The following PCDHGA11 variants were observed in gnomAD, a reference collection of about 807,000 sequenced individuals.
PCDHGA11 encodes the protein protocadherin gamma-A11.
A neutral mutation model predicts 60.4 loss-of-function variants in PCDHGA11; 39 were observed. The ratio of observed to expected loss-of-function variants is 0.65; its 90% CI spans 0.50 to 0.84. The LOEUF (loss-of-function observed/expected upper bound fraction) is 0.84, where lower values mean the gene tolerates loss of function less well. Ranked by LOEUF, PCDHGA11 falls within the 40% of genes least tolerant of loss-of-function variation. PCDHGA11 has a pLI of 0.00. For synonymous variants in PCDHGA11, 533 were observed against 510.3 expected (o/e 1.04, Z -0.60); for missense variants, 1,165 against 1,197.7 (o/e 0.97, Z 0.40).
intron 1 of PCDHGA11, among the ~76,000 whole-genome samples, chr5:141,483,207 A>C (rs1225621725): frequency 6.6e-6 from 1 of 152,224 alleles, no homozygotes; most frequent in African/African-American, 2.4e-5. Flanking sequence ...TATTCCATAT[A>C]GATGACAGTC....
chr5:141,421,379 AGGACCTGGGGCT>A lies in PCDHGA11; in HGVS notation c.156_167del (p.Asp52_Leu55del). On this transcript the variant is annotated inframe_deletion, in exon 1 of 4. Coordinates refer to ENST00000398587, the MANE Select transcript of PCDHGA11 (RefSeq NM_018914.3). ...GGCTCCTTCGTGGGCAATATCTCCA[AGGACCTGGGGCT>A]GGAGCCCCGGGAGCTGGCGAAGCGC... 1 of 1,614,054 alleles carries A rather than the reference AGGACCTGGGGCT, an allele frequency of 6.2e-7. No individual in the cohort carries two copies. The highest frequency in any genetic ancestry group is 1.1e-5 in the South Asian group (1 of 91,088).
At position 141,486,209 on chromosome 5, in the gene PCDHGA11, A is replaced by G. The variant is rs749965379; in HGVS notation, c.2434-8598A>G. 1.2e-6 allele frequency: 2 copies of G among 1,614,080 alleles called. No homozygotes were observed. The highest frequency in any genetic ancestry group is 1.7e-6 in the Non-Finnish European group (2 of 1,179,988). ...AGTGGATCTGCTGGACGTAAATGAC[A>G]ATGCCCCTTACATCACAGTGACCTC... On this transcript the variant is annotated intron_variant, in intron 1 of 3. Transcript: ENST00000398587. The surrounding 1 kb of genome is among the most constrained non-coding windows in gnomAD (Gnocchi z 5.0).
At position 141,422,319 on chromosome 5, in the gene PCDHGA11, TAC is replaced by T; in HGVS notation, c.1094_1095del (p.Thr365SerfsTer24). On this transcript the variant is annotated frameshift_variant, in exon 1 of 4. Coordinates refer to ENST00000398587, the MANE Select transcript of PCDHGA11 (RefSeq NM_018914.3). LOFTEE classifies it high-confidence loss of function. ...NSILENSPPG[T>X]VIALLNVQDQ... is the part of the protein sequence containing the mutation. ...CAATTCTGGAAAACTCTCCTCCAGG[TAC>T]AGTGATTGCTCTTCTAAATGTGCAA... 1 of 1,548,220 alleles carries T rather than the reference TAC, an allele frequency of 6.5e-7. No homozygotes were observed. Among genetic ancestry groups the T allele is most frequent in the Admixed American group, 2.1e-5 (1 of 47,224 alleles).
chr5:141,445,048 A>G (rs1364884310), intron 1 of PCDHGA11, among the ~76,000 whole-genome samples: 4 of 152,234 alleles, frequency 2.6e-5, no homozygotes, highest in Non-Finnish European at 5.9e-5. Flanking sequence ...TTTTCAGTGT[A>G]GAGAGGTCAT....
At chr5:141,482,530 CAAA>C (rs3074545) in intron 1 of PCDHGA11, among the ~76,000 whole-genome samples, 29 of 76,552 alleles carry the variant, frequency 3.8e-4, no homozygotes, top group African/African-American at 9.1e-4. Context: ...GACAGACATG[CAAA>C]AAAAAAAAAA....
At chr5:141,507,896 G>A (rs1457319438) in intron 3 of PCDHGA11, among the ~76,000 whole-genome samples, 1 of 152,210 alleles carries the variant, frequency 6.6e-6, no homozygotes, top group African/African-American at 2.4e-5. Flanking sequence ...GGTTCCTGAA[G>A]TCCAGCCCAG....
Position 141,486,278 on chromosome 5 carries a change from G to C in PCDHGA11, c.2434-8529G>C, listed in dbSNP as rs774763063. On this transcript the variant is annotated intron_variant, in intron 1 of 3. Coordinates refer to ENST00000398587, the MANE Select transcript of PCDHGA11 (RefSeq NM_018914.3). The surrounding 1 kb of genome is among the most constrained non-coding windows in gnomAD (Gnocchi z 5.0). ...CGAGAGTGCAGAACCTGGCACTGTG[G>C]TGGCACTTATCAGTGTGCAGGATCC... is the stretch of plus-strand genomic sequence containing the variant. 4 of 1,613,970 alleles carry C rather than the reference G, an allele frequency of 2.5e-6. No individual in the cohort carries two copies. In the South Asian group the frequency reaches 4.4e-5, roughly 18 times the overall value.
chr5:141,459,315 T>A (rs2154566534), intron 1 of PCDHGA11, among the ~76,000 whole-genome samples: 1 of 152,362 alleles, frequency 6.6e-6, no homozygotes, highest in Non-Finnish European at 1.5e-5. Flanking sequence ...CTATTTTGTA[T>A]CCATCTTCTT....
Position 141,421,418 on chromosome 5 carries a change from G to C in PCDHGA11, c.191G>C (p.Gly64Ala). 6.2e-7 allele frequency: 1 copy of C among 1,614,086 alleles called. No individual in the cohort carries two copies. The highest frequency in any genetic ancestry group is 1.7e-4 in the Middle Eastern group (1 of 6,060). Residue 64 changes from glycine (G) to alanine (A), a missense_variant, in exon 1 of 4, where the codon GGA (glycine) becomes GCA (alanine). Coordinates refer to ENST00000398587, the MANE Select transcript of PCDHGA11 (RefSeq NM_018914.3). ...GLEPRELAKR[G>A]VRIVSRGKTQ... is the part of the protein sequence containing the mutation. Reference sequence around the variant, plus strand: ...GAGCCCCGGGAGCTGGCGAAGCGCGGAGTCCGCATCGTCTCCAGAGGGAAG... The same window carrying C: ...GAGCCCCGGGAGCTGGCGAAGCGCGCAGTCCGCATCGTCTCCAGAGGGAAG...
chr5:141,431,438 C>A lies in PCDHGA11; in HGVS notation c.2433+7778C>A, dbSNP rs773812765. 6.2e-7 allele frequency: 1 copy of A among 1,613,612 alleles called. No homozygotes were observed. The highest frequency in any genetic ancestry group is 1.7e-5 in the Admixed American group (1 of 60,004). ...CGACCCGGTGCGCACAGGCACCGCG[C>A]GCATCCGCGTGATGGTTCTGGATGC... On this transcript the variant is annotated intron_variant, in intron 1 of 3. Coordinates refer to ENST00000398587, the MANE Select transcript of PCDHGA11 (RefSeq NM_018914.3). This position sits in a 1 kb window ranked among gnomAD's most constrained non-coding sequence, Gnocchi z 4.8.
intron 1 of PCDHGA11, among the ~76,000 whole-genome samples, chr5:141,443,466 A>G (rs1402303157): frequency 6.6e-6 from 1 of 152,184 alleles, no homozygotes; most frequent in East Asian, 1.9e-4. Flanking sequence ...AGTCTGGGTG[A>G]CAGAATTAGA....
intron 2 of PCDHGA11, among the ~76,000 whole-genome samples, chr5:141,496,856 G>A (rs1324235700): frequency 6.7e-6 from 1 of 150,206 alleles, no homozygotes; most frequent in African/African-American, 2.5e-5. Context: ...CAGACCAGCA[G>A]AGGAGACTGA....
At chr5:141,441,886 A>C (rs2098281968) in intron 1 of PCDHGA11, 1 of 345,040 alleles carries the variant, frequency 2.9e-6, no homozygotes, top group Non-Finnish European at 5.6e-6. Flanking sequence ...CCTGGTCACC[A>C]AGGTGGTGGC....
At chr5:141,475,840 A>T in intron 1 of PCDHGA11, 1 of 434,888 alleles carries the variant, frequency 2.3e-6, no homozygotes, top group Non-Finnish European at 4.1e-6. Flanking sequence ...TGTCCTGCTC[A>T]GAGAGCCCGG....
At chr5:141,450,919 G>A (rs1489017891) in intron 1 of PCDHGA11, among the ~76,000 whole-genome samples, 2 of 151,024 alleles carry the variant, frequency 1.3e-5, no homozygotes, top group African/African-American at 4.9e-5. Context: ...CTGCCTCCCA[G>A]ATTCAAGCAA....
At position 141,512,523 on chromosome 5, in the gene PCDHGA11, T is replaced by A. The variant is rs1222752176; in HGVS notation, c.*1350T>A. 6.5e-6 allele frequency: 1 copy of A among 152,848 alleles called. No homozygotes were observed. The highest frequency in any genetic ancestry group is 1.5e-5 in the Non-Finnish European group (1 of 68,240). 9.5% of individuals were successfully genotyped at this position (152,848 alleles called of 1,614,324 possible). A position where few individuals can be genotyped will look rare whatever the true frequency, so the allele number is the denominator to read the frequency against. The stretch of plus-strand genomic sequence containing the variant: ...AGTGCGCCCCCTAGTGGCCATAGCC[T>A]GGTTAAAGTTCCCCAGTGCCTCCTT... On this transcript the variant is annotated 3_prime_UTR_variant, in exon 4 of 4. Transcript: ENST00000398587.
At chr5:141,478,133 G>T (rs769287158) in intron 1 of PCDHGA11, 1 of 1,614,060 alleles carries the variant, frequency 6.2e-7, no homozygotes, top group Non-Finnish European at 8.5e-7. Flanking sequence ...CTCTCCTGAA[G>T]CCCGAGCCGA....
chr5:141,490,380 T>A lies in PCDHGA11; in HGVS notation c.2434-4427T>A. On this transcript the variant is annotated intron_variant, in intron 1 of 3. Coordinates refer to ENST00000398587, the MANE Select transcript of PCDHGA11 (RefSeq NM_018914.3). The surrounding 1 kb of genome is among the most constrained non-coding windows in gnomAD (Gnocchi z 5.4). ...TTAATGTGCGAGACCGGGACTCAGG[T>A]AGAAATGGTGAAGTGAGCCTTGATA... 6.2e-7 allele frequency: 1 copy of A among 1,614,204 alleles called. No homozygotes were observed. The highest frequency in any genetic ancestry group is 1.7e-5 in the Admixed American group (1 of 60,026).
At chr5:141,497,203 G>A (rs750138875) in intron 2 of PCDHGA11, among the ~76,000 whole-genome samples, 25 of 91,718 alleles carry the variant, frequency 2.7e-4, no homozygotes, top group Non-Finnish European at 4.9e-4. Flanking sequence ...AACAATGTGA[G>A]TGTAATGGGG....
Sources: allele counts gnomAD v4.1 joint callset (sites outside exome capture counted in the v4.1 genomes callset), GRCh38; gene constraint gnomAD v4.1.1; non-coding constraint Gnocchi (gnomAD v3.1); transcripts MANE v1.5; gene names NCBI Gene and HGNC (gene_info 2026-07-23, HGNC 2026-07-21).